Variants in ZMAT4 observed in about 807,000 individuals in gnomAD.
ZMAT4 encodes the protein zinc finger matrin-type protein 4.
In ZMAT4, 17 loss-of-function variants were observed where a neutral mutation model predicts 28.7. The ratio of observed to expected loss-of-function variants is 0.59; its 90% CI spans 0.41 to 0.89. The LOEUF is 0.89. Among genes scored for constraint, ZMAT4 ranks in the 40% least tolerant of loss-of-function variants. The probability of loss-of-function intolerance (pLI) is 0.00; values close to 1 mark genes in which losing one functional copy is unlikely to be tolerated. For synonymous variants in ZMAT4, 117 were observed against 109.2 expected, an observed-to-expected ratio of 1.07 and a Z score of -0.44; for missense variants, 240 against 283.8, an observed-to-expected ratio of 0.85 and a Z score of 1.11.
intron 6 of ZMAT4, among the ~76,000 whole-genome samples, chr8:40,532,974 T>A (rs1802740188): frequency 6.7e-6 from 1 of 148,222 alleles, no homozygotes; most frequent in African/African-American, 2.5e-5. Flanking sequence ...AGAGGGAGAC[T>A]CCATGTCAAA....
intron 2 of ZMAT4, among the ~76,000 whole-genome samples, chr8:40,787,681 CTCATT>C (rs1814144848): frequency 6.6e-6 from 1 of 152,102 alleles, no homozygotes; most frequent in Non-Finnish European, 1.5e-5. Flanking sequence ...ATGGTGAGGC[CTCATT>C]AGTGGATCTG....
At chr8:40,693,741 C>T (rs1201702557) in intron 4 of ZMAT4, among the ~76,000 whole-genome samples, 2 of 152,228 alleles carry the variant, frequency 1.3e-5, no homozygotes, top group Non-Finnish European at 2.9e-5. Flanking sequence ...ATTCCAGCGG[C>T]TCTGCCAAGC....
rs1204055118 is a variant in ZMAT4, at chr8:40,713,543, G to T, written c.193-16142C>A. Among the ~76,000 whole-genome samples the T allele has an allele frequency of 2.0e-5, 3 of 152,014 alleles. No individual in the cohort carries two copies. The East Asian group carries it at 5.8e-4, about 29-fold the overall frequency. On this transcript the variant is annotated intron_variant, in intron 3 of 6. Coordinates refer to ENST00000297737, the MANE Select transcript of ZMAT4 (RefSeq NM_024645.3). Reference sequence around the variant, plus strand: ...TAGCTATATAAAGAACACTTGCAAAGCGTTAAAAGAAAGCTAGTTAACACC... The same window carrying T: ...TAGCTATATAAAGAACACTTGCAAATCGTTAAAAGAAAGCTAGTTAACACC...
chr8:40,652,939 G>C (rs976043028), intron 5 of ZMAT4, among the ~76,000 whole-genome samples: 2 of 129,456 alleles, frequency 1.5e-5, no homozygotes, highest in African/African-American at 2.9e-5. Context: ...GTTGTGGGGT[G>C]GGGGGAGGGG....
intron 6 of ZMAT4, among the ~76,000 whole-genome samples, chr8:40,533,821 A>C (rs912290089): frequency 6.6e-5 from 10 of 152,232 alleles, no homozygotes; most frequent in Non-Finnish European, 1.0e-4. Flanking sequence ...TTAGAATCTC[A>C]TACTCTGCTA....
intron 3 of ZMAT4, among the ~76,000 whole-genome samples, chr8:40,732,502 C>T (rs888381465): frequency 2.6e-5 from 4 of 152,196 alleles, no homozygotes; most frequent in Non-Finnish European, 5.9e-5. Context: ...AGGGCCCAAG[C>T]CATTGGGCTG....
intron 6 of ZMAT4, among the ~76,000 whole-genome samples, chr8:40,550,246 C>T (rs1331176015): frequency 2.0e-5 from 3 of 152,140 alleles, no homozygotes; most frequent in Non-Finnish European, 1.5e-5. Context: ...CCCAAAGGCC[C>T]TGCTTTCTGA....
At chr8:40,754,824 G>A (rs945637551) in intron 3 of ZMAT4, among the ~76,000 whole-genome samples, 1 of 152,054 alleles carries the variant, frequency 6.6e-6, no homozygotes, top group African/African-American at 2.4e-5. Context: ...ACCAGCCTGG[G>A]CAACATAGTG....
intron 4 of ZMAT4, among the ~76,000 whole-genome samples, chr8:40,684,877 C>A (rs1244793254): frequency 6.6e-6 from 1 of 152,086 alleles, no homozygotes; most frequent in African/African-American, 2.4e-5. Context: ...TCTATAACCG[C>A]TCTTCAGCTA....
intron 5 of ZMAT4, among the ~76,000 whole-genome samples, chr8:40,671,858 T>C (rs1480926118): frequency 6.6e-6 from 1 of 152,170 alleles, no homozygotes; most frequent in African/African-American, 2.4e-5. Context: ...TTATAAAAAA[T>C]ATTAAATCAG....
At chr8:40,739,820 C>T (rs916333047) in intron 3 of ZMAT4, among the ~76,000 whole-genome samples, 11 of 152,058 alleles carry the variant, frequency 7.2e-5, no homozygotes, top group Non-Finnish European at 1.0e-4. Flanking sequence ...CGACAGGCCC[C>T]GGTGTATGAT....
intron 5 of ZMAT4, among the ~76,000 whole-genome samples, chr8:40,666,534 T>TA (rs1180666049): frequency 2.6e-5 from 4 of 152,064 alleles, no homozygotes; most frequent in African/African-American, 9.6e-5. Context: ...ATGTGAAAAT[T>TA]AAAAAAATAC....
chr8:40,563,977 G>T (rs1384368093), intron 6 of ZMAT4, among the ~76,000 whole-genome samples: 1 of 152,040 alleles, frequency 6.6e-6, no homozygotes, highest in East Asian at 1.9e-4. Flanking sequence ...CTGAGGAAAG[G>T]GATGTCCTTT....
At chr8:40,661,515 C>T (rs1808195850) in intron 5 of ZMAT4, among the ~76,000 whole-genome samples, 2 of 152,238 alleles carry the variant, frequency 1.3e-5, no homozygotes, top group Non-Finnish European at 1.5e-5. Context: ...TTCACAATCA[C>T]TTAGAGAATC....
chr8:40,828,403 C>A (rs1182288767), intron 1 of ZMAT4, among the ~76,000 whole-genome samples: 2 of 152,122 alleles, frequency 1.3e-5, no homozygotes, highest in African/African-American at 4.8e-5. Flanking sequence ...ACTGCACACT[C>A]CTTCCTCATT....
chr8:40,766,439 C>T (rs1813162047), intron 3 of ZMAT4, among the ~76,000 whole-genome samples: 1 of 152,114 alleles, frequency 6.6e-6, no homozygotes, highest in East Asian at 1.9e-4. Context: ...TTATGGCCTG[C>T]CTGACTGAGA....
At position 40,530,777 on chromosome 8, in the gene ZMAT4, G is replaced by T. The variant is rs192717823; in HGVS notation, c.*1446C>A. ...CTTTCCTCTTGTAGAGTAGGGTGTG[G>T]CTCGTGGGGCTTCGTCTCTCTGCAG... On this transcript the variant is annotated 3_prime_UTR_variant, in exon 7 of 7. Coordinates refer to ENST00000297737, the MANE Select transcript of ZMAT4 (RefSeq NM_024645.3). 5.7e-4 allele frequency: 87 copies of T among 152,678 alleles called. No individual in the cohort carries two copies. Among genetic ancestry groups the T allele is most frequent in the Non-Finnish European group, 4.4e-4 (30 of 68,042 alleles). The allele number at this position is 152,678 out of a possible 1,614,324, so 9.5% of individuals were successfully genotyped here.
chr8:40,888,411 A>T (rs1440417065), intron 1 of ZMAT4: 2 of 152,232 alleles, frequency 1.3e-5, no homozygotes, highest in East Asian at 3.9e-4. Context: ...TAAATACAAA[A>T]CACCACACAA....
intron 3 of ZMAT4, among the ~76,000 whole-genome samples, chr8:40,765,674 A>G (rs1813130569): frequency 1.3e-5 from 2 of 152,184 alleles, no homozygotes; most frequent in South Asian, 4.1e-4. Flanking sequence ...TATTGGCAGC[A>G]CCGGAGCTTG....
Sources: allele counts gnomAD v4.1 joint callset (sites outside exome capture counted in the v4.1 genomes callset), GRCh38; gene constraint gnomAD v4.1.1; transcripts MANE v1.5; gene names NCBI Gene and HGNC (gene_info 2026-07-23, HGNC 2026-07-21).